Variants in CFAP97 observed in about 807,000 individuals in gnomAD.
CFAP97 encodes the protein cilia- and flagella-associated protein 97.
In CFAP97, 36 loss-of-function variants were observed where a neutral mutation model predicts 43.1. That is an observed-to-expected ratio of 0.84 (90% CI 0.64 to 1.10). The LOEUF is 1.10. CFAP97 is among the 50% of genes least tolerant of loss of function. CFAP97 has a pLI of 0.00. For synonymous variants in CFAP97, 228 were observed against 225.7 expected, an observed-to-expected ratio of 1.01 and a Z score of -0.09; for missense variants, 657 against 620.3, an observed-to-expected ratio of 1.06 and a Z score of -0.63.
intron 2 of CFAP97, among the ~76,000 whole-genome samples, chr4:185,176,364 C>T (rs1317462039): frequency 2.6e-5 from 4 of 152,126 alleles, no homozygotes. Context: ...CCACCCACCT[C>T]AGCCTCCCAA....
chr4:185,193,447 C>G (rs1736392936), intron 1 of CFAP97, among the ~76,000 whole-genome samples: 1 of 152,094 alleles, frequency 6.6e-6, no homozygotes, highest in Non-Finnish European at 1.5e-5. Flanking sequence ...GAGTTCGAGA[C>G]TACTCTGGCC....
At chr4:185,204,629 AG>A (rs1737106830), upstream of CFAP97, among the ~76,000 whole-genome samples, 1 of 152,256 alleles carries the variant, frequency 6.6e-6, no homozygotes, top group Non-Finnish European at 1.5e-5. Flanking sequence ...TGTGGCAGAC[AG>A]GATTTAGCTG....
intron 3 of CFAP97, among the ~76,000 whole-genome samples, chr4:185,164,651 G>A (rs775034006): frequency 3.9e-5 from 6 of 152,028 alleles, no homozygotes; most frequent in Non-Finnish European, 8.8e-5. Context: ...TAAAAACCAT[G>A]GCTTCAGGCT....
At chr4:185,184,017 T>C (rs1046304884) in intron 2 of CFAP97, among the ~76,000 whole-genome samples, 1 of 152,210 alleles carries the variant, frequency 6.6e-6, no homozygotes, top group African/African-American at 2.4e-5. Context: ...AGGTTCTCTA[T>C]ATCTAATTAA....
In CFAP97 at chr4:185,160,424, G is replaced by GC. The variant is rs1553968850; in HGVS notation, c.*2373_*2374insG. 6.6e-6 allele frequency: 1 copy of GC among 151,664 alleles called. No homozygotes were observed. Among genetic ancestry groups the GC allele is most frequent in the Non-Finnish European group, 1.5e-5 (1 of 67,908 alleles). The allele number at this position is 151,664 out of a possible 1,614,324, so 9.4% of individuals were successfully genotyped here. A position where few individuals can be genotyped will look rare whatever the true frequency, so the allele number is the denominator to read the frequency against. On this transcript the variant is annotated 3_prime_UTR_variant, in exon 5 of 5. Coordinates refer to ENST00000458385, the MANE Select transcript of CFAP97 (RefSeq NM_020827.3). ...CCATCCTTTACTTTTTCATGTCCTT[G>GC]AAATGAGAAGAGTAATGTACTTAAG...
intron 2 of CFAP97, among the ~76,000 whole-genome samples, chr4:185,177,413 C>CA (rs35714715): frequency 0.51 from 72,153 of 142,860 alleles, 17,425 homozygotes; most frequent in Middle Eastern, 0.62. Flanking sequence ...ACTCTGTCTC[C>CA]AAAAAAAAAA....
At position 185,162,588 on chromosome 4, in the gene CFAP97, T is replaced by A; in HGVS notation, c.*210A>T. The A allele has an allele frequency of 1.8e-6, 1 of 552,020 alleles. No homozygotes were observed. Among genetic ancestry groups the A allele is most frequent in the Non-Finnish European group, 3.2e-6 (1 of 313,926 alleles). 34.2% of individuals were successfully genotyped at this position (552,020 alleles called of 1,614,324 possible). A position where few individuals can be genotyped will look rare whatever the true frequency, so the allele number is the denominator to read the frequency against. On this transcript the variant is annotated 3_prime_UTR_variant, in exon 5 of 5. Coordinates refer to ENST00000458385, the MANE Select transcript of CFAP97 (RefSeq NM_020827.3). ...TATTTCTCTATTAAGAACACATACA[T>A]CTCATATAAATACATCCTCAGGAAA... is the stretch of plus-strand genomic sequence containing the variant.
At chr4:185,186,072 GA>G (rs1735995890) in intron 2 of CFAP97, among the ~76,000 whole-genome samples, 1 of 152,152 alleles carries the variant, frequency 6.6e-6, no homozygotes, top group South Asian at 2.1e-4. Flanking sequence ...TAACAGACTT[GA>G]AATTCACGAT....
At chr4:185,195,728 G>C (rs1278826976) in intron 1 of CFAP97, among the ~76,000 whole-genome samples, 2 of 152,154 alleles carry the variant, frequency 1.3e-5, no homozygotes, top group Non-Finnish European at 2.9e-5. Context: ...CAAACGTAAA[G>C]ACTATGGCTG....
intron 3 of CFAP97, among the ~76,000 whole-genome samples, chr4:185,175,543 T>C (rs1430218302): frequency 6.6e-6 from 1 of 152,218 alleles, no homozygotes; most frequent in African/African-American, 2.4e-5. Flanking sequence ...CCCAGAGTGC[T>C]AGAATTATAT....
rs776886471 is a variant in CFAP97 at position 185,164,029 on chromosome 4, T to G, written c.1471A>C (p.Arg491=). ...ATAAAATAATTTCCAAAATGCTTAC[T>G]TAATGGGCTATATTGGCCAAGAGTG... ...RSTLGQYSPL[R]ASRTSSATSG... The change falls in exon 4 of 5, where the codon AGA becomes CGA. Residue 491 remains arginine (R), a splice_region_variant and synonymous_variant. Coordinates refer to ENST00000458385, the MANE Select transcript of CFAP97 (RefSeq NM_020827.3). The G allele has an allele frequency of 6.2e-7, 1 of 1,610,822 alleles. No individual in the cohort carries two copies. The highest frequency in any genetic ancestry group is 1.7e-5 in the Admixed American group (1 of 59,354).
At chr4:185,178,429 G>A (rs929787313) in intron 2 of CFAP97, among the ~76,000 whole-genome samples, 8 of 151,402 alleles carry the variant, frequency 5.3e-5, no homozygotes, top group African/African-American at 1.5e-4. Context: ...TGTATTTTTC[G>A]TCGAGATGGG....
rs34825796 is a variant in CFAP97, at chr4:185,191,215, GA to G, written c.-16-4del. On this transcript the variant is annotated splice_region_variant and splice_polypyrimidine_tract_variant and intron_variant, in intron 1 of 4. Coordinates refer to ENST00000458385, the MANE Select transcript of CFAP97 (RefSeq NM_020827.3). Reference sequence around the variant, plus strand: ...GATCCATGATGGCAAAAATATATCTGAAAAAAAAATGTAAACATCAGACTAA... The same window carrying G: ...GATCCATGATGGCAAAAATATATCTGAAAAAAAATGTAAACATCAGACTAA... The G allele has an allele frequency of 2.2e-5, 30 of 1,375,062 alleles. No homozygotes were observed. Among genetic ancestry groups the G allele is most frequent in the Admixed American group, 1.2e-4 (4 of 34,702 alleles). 85.2% of individuals were successfully genotyped at this position (1,375,062 alleles called of 1,614,324 possible).
intron 1 of CFAP97, among the ~76,000 whole-genome samples, chr4:185,203,384 A>G (rs1737000407): frequency 6.6e-6 from 1 of 152,238 alleles, no homozygotes; most frequent in Non-Finnish European, 1.5e-5. Flanking sequence ...TGTTACTGTG[A>G]CAATACATTT....
At position 185,162,044 on chromosome 4, in the gene CFAP97, T is replaced by C. The variant is rs138517593; in HGVS notation, c.*754A>G. ...TTAAACTATTCACGAGTTAGAAGACTAGCTCTAAAACCTACCTCATTTCTA... is the reference window on the plus strand; with the variant it reads ...TTAAACTATTCACGAGTTAGAAGACCAGCTCTAAAACCTACCTCATTTCTA... On this transcript the variant is annotated 3_prime_UTR_variant, in exon 5 of 5. Coordinates refer to ENST00000458385, the MANE Select transcript of CFAP97 (RefSeq NM_020827.3). 1 of 152,228 alleles carries C rather than the reference T, an allele frequency of 6.6e-6. No homozygotes were observed. The highest frequency in any genetic ancestry group is 6.5e-5 in the Admixed American group (1 of 15,282). The allele number at this position is 152,228 out of a possible 1,614,324, so 9.4% of individuals were successfully genotyped here.
At chr4:185,164,273 CTTT>C in intron 3 of CFAP97, 94 bp from the exon 4 acceptor site, 1 of 993,386 alleles carries the variant, frequency 1.0e-6, no homozygotes, top group Non-Finnish European at 1.4e-6. Flanking sequence ...CACTTTCTTT[CTTT>C]TTTTTTTTAA....
At chr4:185,167,178 C>T (rs1461967084) in intron 3 of CFAP97, among the ~76,000 whole-genome samples, 1 of 152,082 alleles carries the variant, frequency 6.6e-6, no homozygotes, top group East Asian at 1.9e-4. Context: ...TAAAAAACAA[C>T]AGTTCAGGCT....
At chr4:185,197,102 TAA>T (rs60986571) in intron 1 of CFAP97, among the ~76,000 whole-genome samples, 22 of 86,770 alleles carry the variant, frequency 2.5e-4, no homozygotes, top group African/African-American at 7.2e-4. Context: ...CCCTCTTAAT[TAA>T]AAAAAAAAAA....
At chr4:185,200,054 T>C (rs1736755173) in intron 1 of CFAP97, among the ~76,000 whole-genome samples, 1 of 152,144 alleles carries the variant, frequency 6.6e-6, no homozygotes, top group African/African-American at 2.4e-5. Context: ...CTGAGCAAAA[T>C]AAATTGAAAA....
Sources: allele counts gnomAD v4.1 joint callset (sites outside exome capture counted in the v4.1 genomes callset), GRCh38; gene constraint gnomAD v4.1.1; transcripts MANE v1.5; gene names NCBI Gene and HGNC (gene_info 2026-07-23, HGNC 2026-07-21).